Variants in CDC42EP3 observed in about 807,000 individuals in gnomAD.
CDC42EP3 encodes the protein CDC42 effector protein (Rho GTPase binding) 3.
A neutral mutation model predicts 15.5 loss-of-function variants in CDC42EP3; 4 were observed. The observed-to-expected ratio is 0.26, with a 90% confidence interval of 0.13 to 0.59. The LOEUF is 0.59. Ranked by LOEUF, CDC42EP3 falls within the 20% of genes least tolerant of loss-of-function variation. The pLI, the probability that CDC42EP3 is intolerant of heterozygous loss-of-function variation, is 0.89. For missense variants in CDC42EP3, 309 were observed against 311.2 expected, an observed-to-expected ratio of 0.99 and a Z score of 0.05; for synonymous variants, 145 against 130.3, an observed-to-expected ratio of 1.11 and a Z score of -0.77.
At position 37,643,089 on chromosome 2, in the gene CDC42EP3, G is replaced by A. The variant is rs1436413290; in HGVS notation, c.*2734C>T. ...ATACAAATGGCATGGTTTCTTTTCT[G>A]GTTACTGGGTCACAGGTGGCTCGCC... On this transcript the variant is annotated 3_prime_UTR_variant, in exon 2 of 2. Coordinates refer to ENST00000295324, the MANE Select transcript of CDC42EP3 (RefSeq NM_006449.5). 6.6e-6 allele frequency: 1 copy of A among 152,132 alleles called. No homozygotes were observed. Among genetic ancestry groups the A allele is most frequent in the Admixed American group, 6.5e-5 (1 of 15,276 alleles). The allele number at this position is 152,132 out of a possible 1,614,324, so 9.4% of individuals were successfully genotyped here.
intron 1 of CDC42EP3, among the ~76,000 whole-genome samples, chr2:37,649,370 G>T (rs1174342860): frequency 1.4e-5 from 2 of 144,492 alleles, no homozygotes; most frequent in African/African-American, 5.1e-5. Context: ...TGGGAGGACT[G>T]GTTGAGCCCA....
intron 1 of CDC42EP3, among the ~76,000 whole-genome samples, chr2:37,651,579 T>C (rs535548430): frequency 4.6e-5 from 7 of 152,372 alleles, no homozygotes; most frequent in African/African-American, 1.7e-4. Context: ...TTTTTGCTTC[T>C]GTGATCAGGC....
rs577403352 is a variant in CDC42EP3 at position 37,649,998 on chromosome 2, T to A, written c.-235-3176A>T. Among the ~76,000 whole-genome samples, 626 of 152,276 alleles carry A rather than the reference T, an allele frequency of 4.1e-3. 4 individuals carry two copies. The highest frequency in any genetic ancestry group is 0.015 in the African/African-American group (603 of 41,544). On this transcript the variant is annotated intron_variant, in intron 1 of 1. Coordinates refer to ENST00000295324, the MANE Select transcript of CDC42EP3 (RefSeq NM_006449.5). The stretch of plus-strand genomic sequence containing the variant: ...AGGCTTCTAGGACTATAGAAAAAAA[T>A]AATTTGAATTGAATCTGAATTGCCA...
At chr2:37,651,284 T>A (rs1041943752) in intron 1 of CDC42EP3, among the ~76,000 whole-genome samples, 22 of 152,242 alleles carry the variant, frequency 1.4e-4, no homozygotes, top group African/African-American at 5.1e-4. Flanking sequence ...TTCACTATCC[T>A]TTTATGATTT....
intron 1 of CDC42EP3, among the ~76,000 whole-genome samples, chr2:37,661,477 T>C (rs1666055185): frequency 1.3e-5 from 2 of 151,444 alleles, no homozygotes; most frequent in Admixed American, 6.6e-5. Flanking sequence ...AGCTTCATTG[T>C]GCCAGTGGCT....
chr2:37,662,239 G>C (rs1228393491), intron 1 of CDC42EP3, among the ~76,000 whole-genome samples: 1 of 152,160 alleles, frequency 6.6e-6, no homozygotes, highest in Admixed American at 6.5e-5. Context: ...GGGAGCTTCA[G>C]TGTCCCCATC....
chr2:37,654,983 A>C (rs1027874656), intron 1 of CDC42EP3, among the ~76,000 whole-genome samples: 6 of 152,238 alleles, frequency 3.9e-5, no homozygotes, highest in Admixed American at 2.6e-4. Flanking sequence ...AAATCAGTGT[A>C]ACCAGAAGCA....
At position 37,666,813 on chromosome 2, in the gene CDC42EP3, CTT is replaced by C. The variant is rs11311656; in HGVS notation, c.-236+4611_-236+4612del. On this transcript the variant is annotated intron_variant, in intron 1 of 1. Transcript: ENST00000295324. ...GCACTGAAGTATATCAAGGAGAAAG[CTT>C]TTTTTTTTTTTTAAGGAAAGAAACA... is the stretch of plus-strand genomic sequence containing the variant. Among the ~76,000 whole-genome samples the C allele has an allele frequency of 8.9e-3, 1,319 of 148,060 alleles. 19 individuals carry two copies. Among genetic ancestry groups the C allele is most frequent in the African/African-American group, 0.029 (1,179 of 40,192 alleles).
chr2:37,655,005 G>A (rs150242192), intron 1 of CDC42EP3, among the ~76,000 whole-genome samples: 3 of 152,276 alleles, frequency 2.0e-5, no homozygotes, highest in Admixed American at 6.5e-5. Context: ...CCAGTAACCC[G>A]AAGGGGATGC....
intron 1 of CDC42EP3, among the ~76,000 whole-genome samples, chr2:37,666,981 T>C (rs979403902): frequency 5.6e-4 from 86 of 152,292 alleles, no homozygotes; most frequent in African/African-American, 2.1e-3. Context: ...CCATTGGCTT[T>C]GAGGCTACCT....
In CDC42EP3 at chr2:37,643,039, A is replaced by T. The variant is rs1461556455; in HGVS notation, c.*2784T>A. The T allele has an allele frequency of 1.3e-5, 2 of 152,196 alleles. No homozygotes were observed. Among genetic ancestry groups the T allele is most frequent in the Non-Finnish European group, 1.5e-5 (1 of 68,018 alleles). 9.4% of individuals were successfully genotyped at this position (152,196 alleles called of 1,614,324 possible). ...AAAATCGCTCACAAGAGCCTTGCCTACCTCAACAAGAAGTGTCTCTACTTA... is the reference window on the plus strand; with the variant it reads ...AAAATCGCTCACAAGAGCCTTGCCTTCCTCAACAAGAAGTGTCTCTACTTA... On this transcript the variant is annotated 3_prime_UTR_variant, in exon 2 of 2. Coordinates refer to ENST00000295324, the MANE Select transcript of CDC42EP3 (RefSeq NM_006449.5).
rs1188589645 is a variant in CDC42EP3 at position 37,644,188 on chromosome 2, T to G, written c.*1635A>C. 1 of 152,114 alleles carries G rather than the reference T, an allele frequency of 6.6e-6. No homozygotes were observed. Among genetic ancestry groups the G allele is most frequent in the Non-Finnish European group, 1.5e-5 (1 of 68,014 alleles). The allele number at this position is 152,114 out of a possible 1,614,324, so 9.4% of individuals were successfully genotyped here. ...TTTTACCTGCAGTCCAAAGGTTATTTTAGATGATAGAACTGCAAGAACCCC... is the reference window on the plus strand; with the variant it reads ...TTTTACCTGCAGTCCAAAGGTTATTGTAGATGATAGAACTGCAAGAACCCC... On this transcript the variant is annotated 3_prime_UTR_variant, in exon 2 of 2. Coordinates refer to ENST00000295324, the MANE Select transcript of CDC42EP3 (RefSeq NM_006449.5).
intron 1 of CDC42EP3, among the ~76,000 whole-genome samples, chr2:37,655,180 C>G (rs1430849659): frequency 2.6e-5 from 4 of 152,194 alleles, no homozygotes; most frequent in African/African-American, 7.2e-5. Context: ...CTGCTGAGCT[C>G]TGTTATGCAA....
At chr2:37,647,787 A>C (rs1433543552) in intron 1 of CDC42EP3, 1 of 151,862 alleles carries the variant, frequency 6.6e-6, no homozygotes, top group Admixed American at 6.6e-5. Context: ...AAGGGAGAAG[A>C]CTCCCTGACT....
intron 1 of CDC42EP3, among the ~76,000 whole-genome samples, chr2:37,654,630 G>A (rs1196078684): frequency 2.0e-5 from 3 of 152,142 alleles, no homozygotes; most frequent in Admixed American, 2.0e-4. Context: ...AGTGCGTGAA[G>A]GGAGGTGTTC....
intron 1 of CDC42EP3, chr2:37,647,357 C>T (rs891554735): frequency 7.2e-5 from 11 of 152,298 alleles, no homozygotes; most frequent in Admixed American, 1.3e-4. Flanking sequence ...GATAAGAAAA[C>T]GGAGATTCAG....
intron 1 of CDC42EP3, among the ~76,000 whole-genome samples, chr2:37,663,665 A>G (rs1666152413): frequency 6.6e-6 from 1 of 152,218 alleles, no homozygotes. Context: ...CCTGGGAAGG[A>G]GTAACTTTAC....
chr2:37,660,426 AG>A (rs1252069504), intron 1 of CDC42EP3, among the ~76,000 whole-genome samples: 1 of 152,208 alleles, frequency 6.6e-6, no homozygotes, highest in Non-Finnish European at 1.5e-5. Context: ...TTCCAGCCTT[AG>A]GAACAAATGA....
chr2:37,670,673 T>C (rs986757270), intron 1 of CDC42EP3, among the ~76,000 whole-genome samples: 9 of 151,968 alleles, frequency 5.9e-5, no homozygotes, highest in African/African-American at 2.2e-4. Flanking sequence ...TAAACTGACC[T>C]CTCCTAGACT....
Sources: allele counts gnomAD v4.1 joint callset (sites outside exome capture counted in the v4.1 genomes callset), GRCh38; gene constraint gnomAD v4.1.1; transcripts MANE v1.5; gene names NCBI Gene and HGNC (gene_info 2026-07-23, HGNC 2026-07-21).